Variants in CMSS1 observed in about 807,000 individuals in gnomAD.
CMSS1 encodes cms1 ribosomal small subunit homolog.
Under a neutral mutation model 43.5 loss-of-function variants are expected in CMSS1, and 33 were observed. The observed-to-expected ratio is 0.76, with a 90% confidence interval of 0.57 to 1.01. The LOEUF is 1.01. Ranked by LOEUF, CMSS1 falls within the 50% of genes least tolerant of loss-of-function variation. The pLI is 0.00. For missense variants in CMSS1, 313 were observed against 326.4 expected (o/e 0.96, Z 0.32); for synonymous variants, 115 against 117.2 (o/e 0.98, Z 0.12).
chr3:99,877,682 T>C (rs1705581567), intron 1 of CMSS1, among the ~76,000 whole-genome samples: 1 of 152,230 alleles, frequency 6.6e-6, no homozygotes, highest in African/African-American at 2.4e-5. Flanking sequence ...TGCCCTATAC[T>C]TGTGAATTGC....
intron 4 of CMSS1, among the ~76,000 whole-genome samples, chr3:100,163,652 C>G (rs1342503275): frequency 6.6e-6 from 1 of 152,178 alleles, no homozygotes; most frequent in Non-Finnish European, 1.5e-5. Context: ...ATCCTCTCAT[C>G]TCAGCCTCCC....
intron 1 of CMSS1, among the ~76,000 whole-genome samples, chr3:99,875,674 C>T (rs149621887): frequency 2.0e-3 from 301 of 152,258 alleles, no homozygotes; most frequent in African/African-American, 6.8e-3. Flanking sequence ...CAAATTTTCG[C>T]ATTCTGCTCA....
In CMSS1 at chr3:100,180,505, T is replaced by C. The variant is rs1178073424; in HGVS notation, c.*2117T>C. On this transcript the variant is annotated 3_prime_UTR_variant, in exon 10 of 10. Coordinates refer to ENST00000421999, the MANE Select transcript of CMSS1 (RefSeq NM_032359.4). ...TAAGTCATCTCTCCCAAGTTCAAAG[T>C]TACACAGATCCCTAAAGCAGGGGCA... The C allele has an allele frequency of 6.6e-6, 1 of 152,238 alleles. No individual in the cohort carries two copies. Among genetic ancestry groups the C allele is most frequent in the Non-Finnish European group, 1.5e-5 (1 of 68,040 alleles). 9.4% of individuals were successfully genotyped at this position (152,238 alleles called of 1,614,324 possible). A position where few individuals can be genotyped will look rare whatever the true frequency, so the allele number is the denominator to read the frequency against.
At chr3:100,084,609 C>T (rs988190522) in intron 1 of CMSS1, among the ~76,000 whole-genome samples, 1 of 152,134 alleles carries the variant, frequency 6.6e-6, no homozygotes, top group Admixed American at 6.5e-5. Context: ...TAAAGAGGAA[C>T]TGATGTGGTT....
At chr3:99,824,165 C>A (rs1231826323) in intron 1 of CMSS1, among the ~76,000 whole-genome samples, 2 of 152,116 alleles carry the variant, frequency 1.3e-5, no homozygotes, top group Non-Finnish European at 2.9e-5. Context: ...TCTTGATCCG[C>A]CCGCCTCAGC....
intron 1 of CMSS1, among the ~76,000 whole-genome samples, chr3:99,923,428 AC>A (rs2107653145): frequency 6.6e-6 from 1 of 152,250 alleles, no homozygotes; most frequent in Admixed American, 6.5e-5. Flanking sequence ...AACACAGAAA[AC>A]TGTGCCCCAT....
At chr3:100,016,823 T>C (rs956583332) in intron 1 of CMSS1, among the ~76,000 whole-genome samples, 1 of 152,228 alleles carries the variant, frequency 6.6e-6, no homozygotes, top group African/African-American at 2.4e-5. Context: ...TTAATAGTGC[T>C]TCTAGGAACA....
At chr3:99,960,913 G>C (rs965630154) in intron 1 of CMSS1, among the ~76,000 whole-genome samples, 5 of 152,196 alleles carry the variant, frequency 3.3e-5, no homozygotes, top group African/African-American at 1.2e-4. Flanking sequence ...GACCAACAAA[G>C]TGAAATGTAA....
intron 1 of CMSS1, among the ~76,000 whole-genome samples, chr3:99,908,015 T>C (rs530592196): frequency 9.8e-5 from 15 of 152,348 alleles, no homozygotes; most frequent in African/African-American, 3.6e-4. Flanking sequence ...TATTGAATAT[T>C]TGTAAATATT....
rs768139971 is a variant in CMSS1 at position 99,817,935 on chromosome 3, G to A, written c.-45G>A. On this transcript the variant is annotated 5_prime_UTR_variant, in exon 1 of 10. Transcript: ENST00000421999. ...GAGACAACGTGATTCTCCGCAGCTG[G>A]TCGCCTACCCGTGATGTTCTGCCCA... is the stretch of plus-strand genomic sequence containing the variant. 16 of 1,600,970 alleles carry A rather than the reference G, an allele frequency of 1.0e-5. No homozygotes were observed. The highest frequency in any genetic ancestry group is 7.7e-5 in the South Asian group (7 of 90,680).
chr3:100,146,305 A>T lies in CMSS1; in HGVS notation c.65-668A>T, dbSNP rs995221932. Among the ~76,000 whole-genome samples the T allele has an allele frequency of 8.5e-5, 13 of 152,208 alleles. No individual in the cohort carries two copies. The East Asian group carries it at 2.5e-3, about 29-fold the overall frequency. ...TTGTGGAAAGGTTAAAAAATTCAAA[A>T]TAAGAATTTCTCATGACCTGTAATC... On this transcript the variant is annotated intron_variant, in intron 1 of 9. Transcript: ENST00000421999.
chr3:99,852,302 C>G (rs748918965), intron 1 of CMSS1, among the ~76,000 whole-genome samples: 4 of 152,138 alleles, frequency 2.6e-5, no homozygotes, highest in Non-Finnish European at 4.4e-5. Flanking sequence ...TACTTACATT[C>G]TGATAGGTAT....
chr3:100,014,237 A>T (rs1710252443), intron 1 of CMSS1, among the ~76,000 whole-genome samples: 1 of 151,576 alleles, frequency 6.6e-6, no homozygotes. Flanking sequence ...TTATCCATTC[A>T]TCTGTCAATG....
chr3:100,032,028 A>G (rs1164505339), intron 1 of CMSS1, among the ~76,000 whole-genome samples: 6 of 152,202 alleles, frequency 3.9e-5, no homozygotes, highest in African/African-American at 7.2e-5. Flanking sequence ...TTAAAAATGT[A>G]AAAATTATGC....
chr3:99,926,297 C>T (rs2107656710), intron 1 of CMSS1, among the ~76,000 whole-genome samples: 1 of 152,330 alleles, frequency 6.6e-6, no homozygotes, highest in African/African-American at 2.4e-5. Flanking sequence ...TTCATTATGC[C>T]ATACAATTGT....
chr3:99,907,645 T>C (rs1706662877), intron 1 of CMSS1, among the ~76,000 whole-genome samples: 1 of 152,186 alleles, frequency 6.6e-6, no homozygotes, highest in Non-Finnish European at 1.5e-5. Flanking sequence ...AGCCAAACCA[T>C]ATTCCTTGCT....
chr3:100,037,022 A>C (rs2065119254), intron 1 of CMSS1, among the ~76,000 whole-genome samples: 1 of 152,234 alleles, frequency 6.6e-6, no homozygotes. Context: ...TCAGATTAAA[A>C]GAAACCAAAG....
intron 1 of CMSS1, among the ~76,000 whole-genome samples, chr3:100,033,940 T>A (rs1037585164): frequency 6.6e-6 from 1 of 152,226 alleles, no homozygotes; most frequent in Admixed American, 6.5e-5. Flanking sequence ...CCAGCCTTTT[T>A]ATATATGAAT....
At chr3:100,057,774 AC>A (rs2065490248) in intron 1 of CMSS1, among the ~76,000 whole-genome samples, 1 of 152,118 alleles carries the variant, frequency 6.6e-6, no homozygotes, top group Admixed American at 6.5e-5. Flanking sequence ...AGCATAACCT[AC>A]CCCTGCTACT....
Sources: allele counts gnomAD v4.1 joint callset (sites outside exome capture counted in the v4.1 genomes callset), GRCh38; gene constraint gnomAD v4.1.1; transcripts MANE v1.5; gene names NCBI Gene and HGNC (gene_info 2026-07-23, HGNC 2026-07-21).